IPCEF1: variants seen among roughly 807,000 people sequenced by gnomAD.
IPCEF1 encodes interaction protein for cytohesin exchange factors 1.
IPCEF1 carries 31 observed loss-of-function variants against 50.9 expected under a neutral mutation model. That is an observed-to-expected ratio of 0.61 (90% confidence interval 0.46 to 0.82). The LOEUF is 0.82. Among genes scored for constraint, IPCEF1 ranks in the 40% least tolerant of loss-of-function variants. The pLI is 0.00. For missense variants in IPCEF1, 458 were observed against 514.0 expected (o/e 0.89, Z 1.05); for synonymous variants, 181 against 192.0 (o/e 0.94, Z 0.47).
Position 154,330,525 on chromosome 6 carries a change from T to A in IPCEF1, c.-62+26147A>T, listed in dbSNP as rs1175182684. 2.0e-4 allele frequency among the ~76,000 whole-genome samples: 30 copies of A among 151,876 alleles called. 1 individual carries two copies. Among genetic ancestry groups the A allele is most frequent in the Admixed American group, 2.0e-3 (30 of 15,240 alleles). Reference sequence around the variant, plus strand: ...ATGATCGGTAGAGATAAGGTCTTACTATGTTGCCCAGGCTGGTCTAAGTCC... The same window carrying A: ...ATGATCGGTAGAGATAAGGTCTTACAATGTTGCCCAGGCTGGTCTAAGTCC... On this transcript the variant is annotated intron_variant, in intron 1 of 11. Coordinates refer to ENST00000367220, the MANE Select transcript of IPCEF1 (RefSeq NM_001130700.2).
intron 1 of IPCEF1, among the ~76,000 whole-genome samples, chr6:154,329,294 T>C (rs1783598983): frequency 6.6e-6 from 1 of 152,122 alleles, no homozygotes; most frequent in African/African-American, 2.4e-5. Context: ...TAGGTAACTA[T>C]TCACAAGAAC....
At chr6:154,276,812 G>C (rs1460034756) in intron 2 of IPCEF1, among the ~76,000 whole-genome samples, 2 of 152,176 alleles carry the variant, frequency 1.3e-5, no homozygotes, top group Non-Finnish European at 1.5e-5. Flanking sequence ...GACACTCAGG[G>C]CAAGACATGC....
intron 9 of IPCEF1, among the ~76,000 whole-genome samples, chr6:154,201,289 T>G (rs1241941074): frequency 6.6e-6 from 1 of 152,234 alleles, no homozygotes; most frequent in Admixed American, 6.5e-5. Flanking sequence ...GATTTTTATC[T>G]TTGCTACATT....
intron 2 of IPCEF1, among the ~76,000 whole-genome samples, chr6:154,288,667 CAA>C (rs552235190): frequency 0.013 from 1,441 of 112,572 alleles, 16 homozygotes; most frequent in African/African-American, 0.038. Flanking sequence ...GTCTAAAAAA[CAA>C]AAAAAACAAA....
At chr6:154,227,382 G>A (rs549424878) in intron 5 of IPCEF1, among the ~76,000 whole-genome samples, 24 of 152,114 alleles carry the variant, frequency 1.6e-4, no homozygotes, top group African/African-American at 5.8e-4. Flanking sequence ...CAACAAAAAT[G>A]TAACATACCT....
intron 1 of IPCEF1, among the ~76,000 whole-genome samples, chr6:154,303,058 T>TA (rs1389503236): frequency 2.0e-5 from 3 of 151,864 alleles, no homozygotes; most frequent in African/African-American, 7.3e-5. Context: ...TCCCATCAGA[T>TA]TTTGAACGCA....
rs555631296 is a variant in IPCEF1, at chr6:154,300,092, T to C, written c.-61-10336A>G. ...GCATTTCTCCCATGACTGCGAACGG[T>C]GTTTTGTCTTCCCTCCCAAAAGGAA... On this transcript the variant is annotated intron_variant, in intron 1 of 11. Transcript: ENST00000367220. Among the ~76,000 whole-genome samples the C allele has an allele frequency of 2.8e-4, 39 of 141,202 alleles. 2 individuals are homozygous for C. Among genetic ancestry groups the C allele is most frequent in the African/African-American group, 9.8e-4 (39 of 39,620 alleles). 92.6% of individuals were successfully genotyped at this position (141,202 alleles called of 152,430 possible).
In IPCEF1 at chr6:154,158,189, G is replaced by C. The variant is rs889144681; in HGVS notation, c.*1639C>G. 2 of 152,150 alleles carry C rather than the reference G, an allele frequency of 1.3e-5. No individual in the cohort carries two copies. Among genetic ancestry groups the C allele is most frequent in the African/African-American group, 4.8e-5 (2 of 41,440 alleles). The allele number at this position is 152,150 out of a possible 1,614,324, so 9.4% of individuals were successfully genotyped here. A position where few individuals can be genotyped will look rare whatever the true frequency, so the allele number is the denominator to read the frequency against. On this transcript the variant is annotated 3_prime_UTR_variant, in exon 12 of 12. Transcript: ENST00000367220. ...TTTGTTTGCAGATATAATTCAGGTG[G>C]TTCCTTCCATTTGAATGTCAAGCCA...
chr6:154,260,992 A>G (rs1363345512), intron 3 of IPCEF1, among the ~76,000 whole-genome samples: 1 of 152,128 alleles, frequency 6.6e-6, no homozygotes, highest in East Asian at 1.9e-4. Context: ...AAATCTAGTA[A>G]CTATATTGAA....
chr6:154,165,642 G>A (rs189073921), intron 11 of IPCEF1, among the ~76,000 whole-genome samples: 1 of 152,240 alleles, frequency 6.6e-6, no homozygotes, highest in Non-Finnish European at 1.5e-5. Context: ...AGGCAGCCCT[G>A]AGCGGGCCCC....
chr6:154,172,551 T>G (rs539123417), intron 10 of IPCEF1, among the ~76,000 whole-genome samples: 1 of 152,292 alleles, frequency 6.6e-6, no homozygotes, highest in Admixed American at 6.5e-5. Flanking sequence ...CACAGCAGTC[T>G]GAGATTGTCC....
chr6:154,294,121 G>A (rs369299666), intron 1 of IPCEF1, among the ~76,000 whole-genome samples: 2 of 152,076 alleles, frequency 1.3e-5, no homozygotes, highest in Non-Finnish European at 2.9e-5. Flanking sequence ...ATTGTTATTA[G>A]TTATTCTCAC....
At position 154,156,234 on chromosome 6, in the gene IPCEF1, C is replaced by CTCAA. The variant is rs971442909; in HGVS notation, c.*3590_*3593dup. 1 of 152,274 alleles carries CTCAA rather than the reference C, an allele frequency of 6.6e-6. No individual in the cohort carries two copies. Among genetic ancestry groups the CTCAA allele is most frequent in the Admixed American group, 6.5e-5 (1 of 15,280 alleles). The allele number at this position is 152,274 out of a possible 1,614,324, so 9.4% of individuals were successfully genotyped here. On this transcript the variant is annotated 3_prime_UTR_variant, in exon 12 of 12. Coordinates refer to ENST00000367220, the MANE Select transcript of IPCEF1 (RefSeq NM_001130700.2). ...GCAGGACCACTAGGAGGAGACTGTG[C>CTCAA]TCAAGCACAGAGAGGGCCCTTTAGG...
intron 1 of IPCEF1, among the ~76,000 whole-genome samples, chr6:154,308,252 C>T (rs1263653641): frequency 6.6e-6 from 1 of 152,190 alleles, no homozygotes; most frequent in East Asian, 1.9e-4. Context: ...GTAGCTGGGA[C>T]TATTGGTGCG....
intron 5 of IPCEF1, among the ~76,000 whole-genome samples, chr6:154,233,001 T>G (rs1392380262): frequency 5.9e-5 from 9 of 151,436 alleles, no homozygotes; most frequent in African/African-American, 1.9e-4. Flanking sequence ...GGAGTCTTAT[T>G]CTTGTCACCC....
At chr6:154,284,387 T>C (rs991442459) in intron 2 of IPCEF1, among the ~76,000 whole-genome samples, 1 of 152,202 alleles carries the variant, frequency 6.6e-6, no homozygotes, top group Non-Finnish European at 1.5e-5. Flanking sequence ...AAGAAATTGT[T>C]AGTGTACTCT....
chr6:154,223,496 T>C (rs1291408749), intron 5 of IPCEF1, among the ~76,000 whole-genome samples: 1 of 152,118 alleles, frequency 6.6e-6, no homozygotes, highest in African/African-American at 2.4e-5. Flanking sequence ...ATGGTCACCA[T>C]ATGGCAGGCT....
At chr6:154,317,336 T>C (rs955175169) in intron 1 of IPCEF1, among the ~76,000 whole-genome samples, 29 of 144,312 alleles carry the variant, frequency 2.0e-4, no homozygotes, top group African/African-American at 7.4e-4. Flanking sequence ...GATCACGAGG[T>C]CAGGAGTTCG....
intron 1 of IPCEF1, among the ~76,000 whole-genome samples, chr6:154,331,034 A>T (rs965777421): frequency 5.9e-5 from 9 of 152,272 alleles, no homozygotes; most frequent in Non-Finnish European, 1.2e-4. Context: ...CAGGAGGCCG[A>T]GGCGGGTGGA....
Sources: allele counts gnomAD v4.1 joint callset (sites outside exome capture counted in the v4.1 genomes callset), GRCh38; gene constraint gnomAD v4.1.1; transcripts MANE v1.5; gene names NCBI Gene and HGNC (gene_info 2026-07-23, HGNC 2026-07-21).